The following ARMH4 variants were observed in gnomAD, a reference collection of about 807,000 sequenced individuals.
ARMH4 encodes the protein armadillo-like helical domain-containing protein 4.
ARMH4 carries 49 observed loss-of-function variants against 61.9 expected under a neutral mutation model. That is an observed-to-expected ratio of 0.79 (90% CI 0.63 to 1.00). The LOEUF is 1.00. Ranked by LOEUF, ARMH4 falls within the 50% of genes least tolerant of loss-of-function variation. ARMH4 has a pLI of 0.00. For missense variants in ARMH4, 934 were observed against 930.0 expected (o/e 1.00, Z -0.06); for synonymous variants, 368 against 341.5 (o/e 1.08, Z -0.85).
At chr14:58,102,993 C>T (rs889719382) in intron 4 of ARMH4, among the ~76,000 whole-genome samples, 6 of 151,614 alleles carry the variant, frequency 4.0e-5, no homozygotes, top group Admixed American at 6.6e-5. Context: ...ATTAGCTGGA[C>T]GTGGTGATGC....
chr14:58,063,221 C>G (rs563548680), intron 5 of ARMH4, among the ~76,000 whole-genome samples: 1 of 152,270 alleles, frequency 6.6e-6, no homozygotes, highest in South Asian at 2.1e-4. Flanking sequence ...CTTCTCATGG[C>G]GTTCTCCCTG....
chr14:58,049,336 G>A lies in ARMH4; in HGVS notation c.2090-37186C>T, dbSNP rs1210376812. Among the ~76,000 whole-genome samples the A allele has an allele frequency of 2.6e-5, 4 of 151,952 alleles. No individual in the cohort carries two copies. The East Asian group carries it at 7.8e-4, about 29-fold the overall frequency. Reference sequence around the variant, plus strand: ...TACTTATTTCTGAAGTATAAAAAATGTCATAATCATAGATTCTCAATTGCA... The same window carrying A: ...TACTTATTTCTGAAGTATAAAAAATATCATAATCATAGATTCTCAATTGCA... On this transcript the variant is annotated intron_variant, in intron 5 of 7. Transcript: ENST00000267485.
intron 5 of ARMH4, among the ~76,000 whole-genome samples, chr14:58,056,394 T>C (rs1207067048): frequency 1.3e-5 from 2 of 152,186 alleles, no homozygotes; most frequent in African/African-American, 2.4e-5. Flanking sequence ...CAAAATGCTA[T>C]GATATACTTG....
rs527243636 is a variant in ARMH4, at chr14:58,123,383, C to A, written c.1831+8129G>T. 7.2e-5 allele frequency among the ~76,000 whole-genome samples: 11 copies of A among 152,208 alleles called. No individual in the cohort carries two copies. In the South Asian group the frequency reaches 2.3e-3, roughly 32 times the overall value. ...CCTTTCCCTACCAAAGGCAGTACCC[C>A]CTTAGACCCAAGGCTCAACAAGGAC... is the stretch of plus-strand genomic sequence containing the variant. On this transcript the variant is annotated intron_variant, in intron 4 of 7. Coordinates refer to ENST00000267485, the MANE Select transcript of ARMH4 (RefSeq NM_001001872.4).
intron 5 of ARMH4, among the ~76,000 whole-genome samples, chr14:58,041,183 C>T (rs1253177294): frequency 1.3e-5 from 2 of 152,088 alleles, no homozygotes; most frequent in Admixed American, 6.5e-5. Context: ...ACCCGGGAAG[C>T]GTAAGGGGTC....
chr14:58,131,209 G>T, intron 4 of ARMH4: 1 of 287,356 alleles, frequency 3.5e-6, no homozygotes, highest in Non-Finnish European at 6.5e-6. Context: ...AATTAGTATG[G>T]CTGTGTTCCA....
chr14:58,089,602 A>C (rs888396524), intron 5 of ARMH4, among the ~76,000 whole-genome samples: 3 of 152,222 alleles, frequency 2.0e-5, no homozygotes, highest in African/African-American at 7.2e-5. Context: ...AATCCCTTAC[A>C]GTGCATAATA....
At chr14:58,059,990 G>A (rs1352740416) in intron 5 of ARMH4, among the ~76,000 whole-genome samples, 2 of 152,116 alleles carry the variant, frequency 1.3e-5, no homozygotes, top group Non-Finnish European at 2.9e-5. Context: ...TTGTCAATAC[G>A]TAGAAAATAA....
intron 5 of ARMH4, among the ~76,000 whole-genome samples, chr14:58,094,797 C>T (rs991644945): frequency 6.6e-6 from 1 of 152,122 alleles, no homozygotes; most frequent in African/African-American, 2.4e-5. Context: ...AGGAGGGATG[C>T]ACTGCAAAGG....
At chr14:58,067,554 T>C (rs994201404) in intron 5 of ARMH4, among the ~76,000 whole-genome samples, 1 of 152,142 alleles carries the variant, frequency 6.6e-6, no homozygotes, top group Non-Finnish European at 1.5e-5. Flanking sequence ...TAGCAAGACA[T>C]TTGCATCATT....
chr14:58,017,653 T>C (rs1411268137), intron 5 of ARMH4, among the ~76,000 whole-genome samples: 2 of 152,140 alleles, frequency 1.3e-5, no homozygotes, highest in Non-Finnish European at 2.9e-5. Flanking sequence ...AATGGAAAGA[T>C]ACCCCATGTT....
At position 58,004,417 on chromosome 14, in the gene ARMH4, G is replaced by A. The variant is rs575121011; in HGVS notation, c.*319C>T. On this transcript the variant is annotated 3_prime_UTR_variant, in exon 8 of 8. Coordinates refer to ENST00000267485, the MANE Select transcript of ARMH4 (RefSeq NM_001001872.4). Reference sequence around the variant, plus strand: ...TAATTCAAACCAAGGAAAAGACACTGTGGAAAACTACAAAATATTTACTCT... The same window carrying A: ...TAATTCAAACCAAGGAAAAGACACTATGGAAAACTACAAAATATTTACTCT... The A allele has an allele frequency of 1.1e-4, 22 of 193,522 alleles. No homozygotes were observed. The East Asian group carries it at 2.5e-3, about 22-fold the overall frequency. 12.0% of individuals were successfully genotyped at this position (193,522 alleles called of 1,614,324 possible). A position where few individuals can be genotyped will look rare whatever the true frequency, so the allele number is the denominator to read the frequency against.
intron 5 of ARMH4, among the ~76,000 whole-genome samples, chr14:58,024,179 C>T (rs1882943957): frequency 1.3e-5 from 2 of 152,160 alleles, no homozygotes; most frequent in Admixed American, 1.3e-4. Context: ...CTATAAAAGT[C>T]CTATATAACA....
intron 5 of ARMH4, among the ~76,000 whole-genome samples, chr14:58,072,065 G>A (rs1884899160): frequency 6.6e-6 from 1 of 152,030 alleles, no homozygotes; most frequent in Non-Finnish European, 1.5e-5. Context: ...TACTAATCTT[G>A]CTGTACTATA....
intron 4 of ARMH4, among the ~76,000 whole-genome samples, chr14:58,123,070 A>G (rs982138252): frequency 4.6e-5 from 7 of 152,204 alleles, no homozygotes; most frequent in African/African-American, 7.2e-5. Flanking sequence ...GAGGGGTCCT[A>G]GGACAGCCAG....
rs753110691 is a variant in ARMH4 at position 58,139,152 on chromosome 14, C to T, written c.207G>A (p.Val69=). 3 of 1,614,160 alleles carry T rather than the reference C, an allele frequency of 1.9e-6. No individual in the cohort carries two copies. The highest frequency in any genetic ancestry group is 3.3e-5 in the Admixed American group (2 of 60,020). Residue 69 remains valine, a synonymous_variant, in exon 2 of 8, where the codon GTG becomes GTA. Coordinates refer to ENST00000267485, the MANE Select transcript of ARMH4 (RefSeq NM_001001872.4). ...SVTSKQTPQL[V]VSEDPMMMSA... The stretch of plus-strand genomic sequence containing the variant: ...ACATCATCATTGGATCTTCAGAGAC[C>T]ACCAGTTGGGGAGTCTGCTTTGAGG...
chr14:58,125,054 G>A (rs913955914), intron 4 of ARMH4, among the ~76,000 whole-genome samples: 1 of 152,096 alleles, frequency 6.6e-6, no homozygotes, highest in East Asian at 1.9e-4. Flanking sequence ...ATTATTGGCT[G>A]TACAGAAACC....
At chr14:58,102,240 G>A (rs998155405) in intron 4 of ARMH4, among the ~76,000 whole-genome samples, 23 of 152,152 alleles carry the variant, frequency 1.5e-4, no homozygotes, top group Admixed American at 1.2e-3. Flanking sequence ...GGTAGAGAAA[G>A]GAAAGCAAGA....
intron 6 of ARMH4, among the ~76,000 whole-genome samples, chr14:58,009,562 G>A (rs750030576): frequency 6.6e-6 from 1 of 152,108 alleles, no homozygotes; most frequent in Non-Finnish European, 1.5e-5. Context: ...TGTAATCCCA[G>A]CACTTTGGGA....
Sources: gnomAD v4.1 joint callset for allele counts (sites outside exome capture counted in the v4.1 genomes callset) on GRCh38, gnomAD v4.1.1 for gene constraint, MANE v1.5 for transcripts, NCBI Gene and HGNC (gene_info 2026-07-23, HGNC 2026-07-21) for gene names.